Variants in NEK10 observed in about 807,000 individuals in gnomAD.
NEK10 encodes the protein NIMA related kinase 10, also known as serine/threonine-protein kinase Nek10.
In NEK10, 122 loss-of-function variants were observed where a neutral mutation model predicts 159.8. The ratio of observed to expected loss-of-function variants is 0.76; its 90% confidence interval spans 0.66 to 0.89. The LOEUF (loss-of-function observed/expected upper bound fraction) is 0.89, where lower values mean the gene tolerates loss of function less well. Among genes scored for constraint, NEK10 ranks in the 40% least tolerant of loss-of-function variants. NEK10 has a pLI of 0.00. For missense variants in NEK10, 1,342 were observed against 1,323.1 expected (o/e 1.01, Z -0.22); for synonymous variants, 466 against 457.1 (o/e 1.02, Z -0.25).
At chr3:27,236,025 T>C (rs1411996044) in intron 23 of NEK10, among the ~76,000 whole-genome samples, 1 of 152,184 alleles carries the variant, frequency 6.6e-6, no homozygotes, top group African/African-American at 2.4e-5. Flanking sequence ...TGGAGGCCAT[T>C]ATCATTAGCA....
At chr3:27,363,328 C>T (rs2048819096) in intron 1 of NEK10, among the ~76,000 whole-genome samples, 1 of 152,182 alleles carries the variant, frequency 6.6e-6, no homozygotes, top group African/African-American at 2.4e-5. Flanking sequence ...ATTTCCATCT[C>T]CATTAGTTTA....
chr3:27,171,978 C>A, intron 28 of NEK10, 105 bp from the exon 29 acceptor site: 6 of 1,222,184 alleles, frequency 4.9e-6, no homozygotes, highest in South Asian at 1.5e-5. Context: ...GGTGAAGATG[C>A]AGAGAAAAGG....
intron 23 of NEK10, among the ~76,000 whole-genome samples, chr3:27,207,702 G>A (rs1575250551): frequency 6.6e-6 from 1 of 152,110 alleles, no homozygotes. Context: ...AGTACATTTA[G>A]TTCTCAGGTA....
rs755043677 is a variant in NEK10, at chr3:27,284,873, A to G, written c.1878T>C (p.Phe626=). The G allele has an allele frequency of 9.4e-6, 15 of 1,589,770 alleles. No individual in the cohort carries two copies. The highest frequency in any genetic ancestry group is 1.1e-5 in the Non-Finnish European group (13 of 1,158,188). ...ATATTTTCCATAGTCTTTCTTCAGT[A>G]AAATGGTGATGTTTTTCCTTCAAAG... ...FSSLKEKHHH[F]TEERLWKIFI... is the part of the protein sequence containing the mutation. The change falls in exon 21 of 36, where the codon TTT becomes TTC. Residue 626 remains phenylalanine (F), a synonymous_variant. Transcript: ENST00000691995.
chr3:27,227,696 C>T (rs1303332069), intron 23 of NEK10, among the ~76,000 whole-genome samples: 1 of 152,168 alleles, frequency 6.6e-6, no homozygotes, highest in African/African-American at 2.4e-5. Flanking sequence ...AAGTAAATAT[C>T]ACTAAGTAGG....
At chr3:27,184,357 C>A in intron 26 of NEK10, among the ~76,000 whole-genome samples, 1 of 152,114 alleles carries the variant, frequency 6.6e-6, no homozygotes, top group East Asian at 1.9e-4. Flanking sequence ...TGAAGTCAAA[C>A]AACAGGCAAA....
At chr3:27,215,643 T>C in intron 23 of NEK10, 1 of 540,444 alleles carries the variant, frequency 1.9e-6, no homozygotes, top group East Asian at 3.0e-5. Context: ...TTATCACATT[T>C]AAAGAGTGTA....
intron 30 of NEK10, among the ~76,000 whole-genome samples, chr3:27,156,425 A>G (rs1425017044): frequency 6.6e-6 from 1 of 152,160 alleles, no homozygotes; most frequent in Non-Finnish European, 1.5e-5. Context: ...TAATATCTAG[A>G]ATCTACAACA....
At chr3:27,205,439 A>G (rs1325972081) in intron 23 of NEK10, among the ~76,000 whole-genome samples, 1 of 113,042 alleles carries the variant, frequency 8.8e-6, no homozygotes, top group Non-Finnish European at 1.8e-5. Context: ...GAGGCATCAC[A>G]CTACCTGACT....
At position 27,235,572 on chromosome 3, in the gene NEK10, C is replaced by A. The variant is rs185141533; in HGVS notation, c.2090+20724G>T. Among the ~76,000 whole-genome samples, 273 of 152,220 alleles carry A rather than the reference C, an allele frequency of 1.8e-3. 2 individuals are homozygous for A. The highest frequency in any genetic ancestry group is 6.2e-3 in the African/African-American group (259 of 41,548). On this transcript the variant is annotated intron_variant, in intron 23 of 35. Coordinates refer to ENST00000691995, the MANE Select transcript of NEK10 (RefSeq NM_001394966.1). ...AAAACCCCAATGAGATGTCATCTCACGCCCATCACAATGGCTATCACTAAG... is the reference window on the plus strand; with the variant it reads ...AAAACCCCAATGAGATGTCATCTCAAGCCCATCACAATGGCTATCACTAAG...
At chr3:27,218,397 G>A (rs1350996286) in intron 23 of NEK10, among the ~76,000 whole-genome samples, 1 of 152,062 alleles carries the variant, frequency 6.6e-6, no homozygotes, top group Non-Finnish European at 1.5e-5. Context: ...ACAAGGTCAG[G>A]AGTTTGAGAC....
chr3:27,171,708 C>A, intron 29 of NEK10, 111 bp downstream of exon 29: 1 of 1,077,744 alleles, frequency 9.3e-7, no homozygotes, highest in Non-Finnish European at 1.4e-6. Context: ...GCTCTAACTC[C>A]TATTTCCGCA....
At chr3:27,219,622 T>C (rs1951890173) in intron 23 of NEK10, among the ~76,000 whole-genome samples, 2 of 152,234 alleles carry the variant, frequency 1.3e-5, no homozygotes, top group South Asian at 4.1e-4. Flanking sequence ...GCAAGAGATT[T>C]TGTTTTTTAA....
chr3:27,238,215 A>G (rs1954156326), intron 23 of NEK10, among the ~76,000 whole-genome samples: 1 of 152,200 alleles, frequency 6.6e-6, no homozygotes, highest in African/African-American at 2.4e-5. Context: ...ATGAATCATG[A>G]TTTTAACCAA....
chr3:27,320,168 C>G (rs1160862226), intron 6 of NEK10, among the ~76,000 whole-genome samples: 1 of 152,088 alleles, frequency 6.6e-6, no homozygotes, highest in Non-Finnish European at 1.5e-5. Context: ...GGACAATATT[C>G]GTTTAATATG....
At chr3:27,235,911 A>G (rs574129453) in intron 23 of NEK10, among the ~76,000 whole-genome samples, 6 of 152,326 alleles carry the variant, frequency 3.9e-5, no homozygotes, top group African/African-American at 4.8e-5. Context: ...CTGGGTAAAA[A>G]AAAGTGATAC....
At chr3:27,211,168 T>G (rs1425875353) in intron 23 of NEK10, among the ~76,000 whole-genome samples, 1 of 152,162 alleles carries the variant, frequency 6.6e-6, no homozygotes, top group Admixed American at 6.5e-5. Context: ...CAGTGGACAT[T>G]GACAGAATGA....
At chr3:27,328,887 C>T (rs578043690) in intron 5 of NEK10, among the ~76,000 whole-genome samples, 10 of 151,994 alleles carry the variant, frequency 6.6e-5, no homozygotes, top group Non-Finnish European at 1.5e-4. Flanking sequence ...TGAGAAAACT[C>T]AAAAGTACTG....
intron 25 of NEK10, among the ~76,000 whole-genome samples, chr3:27,199,716 C>T (rs1356679748): frequency 1.3e-5 from 2 of 152,090 alleles, no homozygotes; most frequent in Non-Finnish European, 2.9e-5. Flanking sequence ...CATAAATGCC[C>T]ATAAATTCTA....
Sources: gnomAD v4.1 joint callset for allele counts (sites outside exome capture counted in the v4.1 genomes callset) on GRCh38, gnomAD v4.1.1 for gene constraint, MANE v1.5 for transcripts, NCBI Gene and HGNC (gene_info 2026-07-23, HGNC 2026-07-21) for gene names.